The following PHACTR1 variants were observed in gnomAD, a reference collection of about 807,000 sequenced individuals.
The protein encoded by PHACTR1 is phosphatase and actin regulator 1.
PHACTR1 carries 16 observed loss-of-function variants against 69.2 expected under a neutral mutation model. The observed-to-expected ratio is 0.23, with a 90% CI of 0.16 to 0.35. PHACTR1 has a LOEUF of 0.35. Ranked by LOEUF, PHACTR1 falls within the 10% of genes least tolerant of loss-of-function variation. The probability of loss-of-function intolerance (pLI) is 1.00; values close to 1 mark genes in which losing one functional copy is unlikely to be tolerated. For missense variants in PHACTR1, 510 were observed against 734.7 expected, an observed-to-expected ratio of 0.69 and a Z score of 3.54; for synonymous variants, 312 against 284.5, an observed-to-expected ratio of 1.10 and a Z score of -0.97.
At chr6:13,001,228 AG>A (rs1456180922) in intron 4 of PHACTR1, among the ~76,000 whole-genome samples, 1 of 152,224 alleles carries the variant, frequency 6.6e-6, no homozygotes, top group African/African-American at 2.4e-5. Context: ...ATAATGAAAG[AG>A]GTTGTTACTT....
intron 4 of PHACTR1, among the ~76,000 whole-genome samples, chr6:13,042,209 G>A (rs181556717): frequency 1.5e-4 from 23 of 152,246 alleles, no homozygotes; most frequent in Admixed American, 1.2e-3. Context: ...ACATAATGGG[G>A]GTGTTGTGAA....
intron 4 of PHACTR1, among the ~76,000 whole-genome samples, chr6:13,018,957 T>G (rs1800563975): frequency 6.6e-6 from 1 of 152,026 alleles, no homozygotes; most frequent in Admixed American, 6.5e-5. Context: ...TGGTTCAGGC[T>G]ATCCTCCCAC....
chr6:12,920,273 A>G (rs1787496135), intron 4 of PHACTR1, among the ~76,000 whole-genome samples: 1 of 152,244 alleles, frequency 6.6e-6, no homozygotes, highest in Non-Finnish European at 1.5e-5. Context: ...ACAGTGAAGC[A>G]TAAAGTGTTT....
Position 13,179,733 on chromosome 6 carries a change from T to TAGATAGAC in PHACTR1, c.497-2779_497-2778insCAGATAGA. Among the ~76,000 whole-genome samples the TAGATAGAC allele has an allele frequency of 7.9e-6, 1 of 127,082 alleles. No homozygotes were observed. The highest frequency in any genetic ancestry group is 1.7e-5 in the Non-Finnish European group (1 of 58,150). 83.4% of individuals were successfully genotyped at this position (127,082 alleles called of 152,430 possible). A position where few individuals can be genotyped will look rare whatever the true frequency, so the allele number is the denominator to read the frequency against. ...ATAGATAGATAGATAGATAGATAGA[T>TAGATAGAC]AGATAGATAGATAGACAGAACAAGG... On this transcript the variant is annotated intron_variant, in intron 6 of 14. Coordinates refer to ENST00000332995, the MANE Select transcript of PHACTR1 (RefSeq NM_030948.6). This position sits in a 1 kb window ranked among gnomAD's most constrained non-coding sequence, Gnocchi z 4.2.
chr6:13,083,308 C>T (rs1177954630), intron 5 of PHACTR1, among the ~76,000 whole-genome samples: 1 of 152,012 alleles, frequency 6.6e-6, no homozygotes, highest in Non-Finnish European at 1.5e-5. Flanking sequence ...GTCTATATCT[C>T]TGTTTTGGTA....
chr6:12,892,691 C>T (rs1784279950), intron 4 of PHACTR1, among the ~76,000 whole-genome samples: 1 of 152,160 alleles, frequency 6.6e-6, no homozygotes, highest in Admixed American at 6.5e-5. Context: ...AGGAACAGAA[C>T]AGTGCAACTG....
At chr6:13,106,690 C>T (rs1460855427) in intron 5 of PHACTR1, among the ~76,000 whole-genome samples, 1 of 152,082 alleles carries the variant, frequency 6.6e-6, no homozygotes, top group Non-Finnish European at 1.5e-5. Flanking sequence ...GTTGCTCAGG[C>T]TGCCTTTGTT....
intron 4 of PHACTR1, among the ~76,000 whole-genome samples, chr6:12,947,507 G>C (rs550779681): frequency 6.6e-6 from 1 of 152,154 alleles, no homozygotes; most frequent in Non-Finnish European, 1.5e-5. Flanking sequence ...ATGAATTAGT[G>C]ACTTGGGAGG....
intron 4 of PHACTR1, among the ~76,000 whole-genome samples, chr6:12,757,460 G>A (rs766070390): frequency 3.3e-5 from 5 of 152,164 alleles, no homozygotes; most frequent in Admixed American, 6.5e-5. Context: ...AACACCGTCT[G>A]ACAGATTTTT....
chr6:13,285,870 C>T (rs941000982), intron 13 of PHACTR1, among the ~76,000 whole-genome samples: 1 of 152,134 alleles, frequency 6.6e-6, no homozygotes, highest in Non-Finnish European at 1.5e-5. Context: ...TGTACACCAC[C>T]ACTGATGCCT....
intron 7 of PHACTR1, among the ~76,000 whole-genome samples, chr6:13,197,810 G>A (rs955035247): frequency 6.6e-6 from 1 of 152,174 alleles, no homozygotes; most frequent in Non-Finnish European, 1.5e-5. Flanking sequence ...GAGCAGTGCT[G>A]GGATAATCTC....
chr6:13,169,842 T>C (rs1422423114), intron 6 of PHACTR1, among the ~76,000 whole-genome samples: 1 of 152,208 alleles, frequency 6.6e-6, no homozygotes. Flanking sequence ...ACTGAAACAA[T>C]AAGCAAATTT....
chr6:12,935,535 C>T (rs1789353208), intron 4 of PHACTR1, among the ~76,000 whole-genome samples: 2 of 152,152 alleles, frequency 1.3e-5, no homozygotes, highest in Non-Finnish European at 2.9e-5. Flanking sequence ...TGAGCTACTG[C>T]ACCTGGCCTA....
chr6:12,871,746 A>C (rs887477766), intron 4 of PHACTR1, among the ~76,000 whole-genome samples: 1 of 152,170 alleles, frequency 6.6e-6, no homozygotes, highest in African/African-American at 2.4e-5. Flanking sequence ...GTTCCTCGCC[A>C]ATCTTTCACC....
chr6:13,171,295 G>A (rs1007010243), intron 6 of PHACTR1, among the ~76,000 whole-genome samples: 17 of 152,038 alleles, frequency 1.1e-4, no homozygotes, highest in African/African-American at 3.9e-4. Context: ...GTCCATGTGT[G>A]CCCTGGAGCT....
chr6:13,057,424 A>G (rs992274311), intron 5 of PHACTR1, among the ~76,000 whole-genome samples: 4 of 152,204 alleles, frequency 2.6e-5, no homozygotes, highest in African/African-American at 9.7e-5. Context: ...CCATATATTC[A>G]TATTATTTAT....
chr6:13,255,455 C>G (rs1237052368), intron 10 of PHACTR1, among the ~76,000 whole-genome samples: 1 of 152,170 alleles, frequency 6.6e-6, no homozygotes, highest in Non-Finnish European at 1.5e-5. Context: ...AAAATCATTC[C>G]TTCCCACCAA....
chr6:12,792,138 A>G (rs1322205337), intron 4 of PHACTR1, among the ~76,000 whole-genome samples: 3 of 152,180 alleles, frequency 2.0e-5, no homozygotes, highest in Non-Finnish European at 4.4e-5. Context: ...ATGATTATAT[A>G]TCAATGCAAT....
intron 4 of PHACTR1, among the ~76,000 whole-genome samples, chr6:12,894,544 G>A (rs1417203325): frequency 2.0e-5 from 3 of 152,236 alleles, no homozygotes; most frequent in Non-Finnish European, 2.9e-5. Context: ...GGCGGATGTA[G>A]CAGTGAGCCG....
Sources: allele counts gnomAD v4.1 joint callset (sites outside exome capture counted in the v4.1 genomes callset), GRCh38; gene constraint gnomAD v4.1.1; non-coding constraint Gnocchi (gnomAD v3.1); transcripts MANE v1.5; gene names NCBI Gene and HGNC (gene_info 2026-07-23, HGNC 2026-07-21).